RTF1: variants seen among roughly 807,000 people sequenced by gnomAD.
The protein encoded by RTF1 is RTF1 homolog, Paf1/RNA polymerase II complex component.
In RTF1, 10 loss-of-function variants were observed where a neutral mutation model predicts 95.7. The ratio of observed to expected loss-of-function variants is 0.10; its 90% confidence interval spans 0.06 to 0.18. The LOEUF is 0.18. RTF1 is among the 10% of genes least tolerant of loss of function. The pLI is 1.00. For synonymous variants in RTF1, 305 were observed against 311.8 expected, an observed-to-expected ratio of 0.98 and a Z score of 0.23; for missense variants, 458 against 875.6, an observed-to-expected ratio of 0.52 and a Z score of 6.02.
intron 1 of RTF1, among the ~76,000 whole-genome samples, chr15:41,421,266 G>C (rs1175712822): frequency 6.6e-6 from 1 of 152,072 alleles, no homozygotes. Flanking sequence ...AGACCAGCCT[G>C]ACCAACATGG....
chr15:41,432,114 T>TG (rs2140948575), intron 1 of RTF1, among the ~76,000 whole-genome samples: 1 of 151,496 alleles, frequency 6.6e-6, no homozygotes, highest in African/African-American at 2.4e-5. Context: ...ATTGTTAATA[T>TG]GGTATTTAAT....
Position 41,429,786 on chromosome 15 carries a change from G to A in RTF1, c.199-8535G>A, listed in dbSNP as rs553565520. ...TGAAGTTTCTAGTCTCAGCCTCAGT[G>A]CCTCAGAGAAGCCTCTCTAACCACC... On this transcript the variant is annotated intron_variant, in intron 1 of 17. Transcript: ENST00000389629. 3.4e-3 allele frequency among the ~76,000 whole-genome samples: 512 copies of A among 151,870 alleles called. 4 individuals carry two copies. Among genetic ancestry groups the A allele is most frequent in the African/African-American group, 0.012 (495 of 41,440 alleles).
At position 41,479,219 on chromosome 15, in the gene RTF1, T is replaced by C. The variant is rs751547577; in HGVS notation, c.1914+21T>C. On this transcript the variant is annotated intron_variant, in intron 16 of 17. Coordinates refer to ENST00000389629, the MANE Select transcript of RTF1 (RefSeq NM_015138.5). The stretch of plus-strand genomic sequence containing the variant: ...GCAAGGCAAGTGTGGTACCACCCTG[T>C]TGCCTGCTGAGTGAGGCTGCTGGCT... 22 of 1,540,312 alleles carry C rather than the reference T, an allele frequency of 1.4e-5. 1 individual carries two copies. Among genetic ancestry groups the C allele is most frequent in the South Asian group, 1.0e-4 (9 of 89,238 alleles).
intron 4 of RTF1, among the ~76,000 whole-genome samples, chr15:41,460,066 G>A (rs550268407): frequency 6.6e-6 from 1 of 150,658 alleles, no homozygotes; most frequent in African/African-American, 2.4e-5. Flanking sequence ...AGAGAAGAAT[G>A]TTTGGCTTTC....
intron 6 of RTF1, among the ~76,000 whole-genome samples, chr15:41,469,134 G>T (rs1757455): frequency 0.34 from 51,944 of 151,504 alleles, 9,045 homozygotes; most frequent in African/African-American, 0.4. Context: ...ACCTAATTTT[G>T]TTTTGTATTT....
chr15:41,474,542 G>A, intron 8 of RTF1, 78 bp from the exon 9 acceptor site: 1 of 997,766 alleles, frequency 1.0e-6, no homozygotes, highest in South Asian at 1.3e-5. Context: ...CGTTCAGGTA[G>A]AGAGACGCAA....
At chr15:41,476,586 T>G (rs1431102291) in intron 12 of RTF1, 63 bp downstream of exon 12, 2 of 1,438,166 alleles carry the variant, frequency 1.4e-6, no homozygotes, top group Non-Finnish European at 2.0e-6. Context: ...TCAAACTTGT[T>G]CATCCTCTGC....
chr15:41,440,131 C>T (rs1370550805), intron 2 of RTF1: 4 of 151,806 alleles, frequency 2.6e-5, no homozygotes, highest in Non-Finnish European at 5.9e-5. Flanking sequence ...TTACCGGTGC[C>T]CTGCATGTGC....
At position 41,477,525 on chromosome 15, in the gene RTF1, CTT is replaced by C. The variant is rs755003501; in HGVS notation, c.1740+12_1740+13del. ...TGAGAAGGCCCTTGTGGTAAGAAAA[CTT>C]TATCTGAATCACTAAAACAAAGTTA... On this transcript the variant is annotated intron_variant, in intron 14 of 17. Coordinates refer to ENST00000389629, the MANE Select transcript of RTF1 (RefSeq NM_015138.5). The C allele has an allele frequency of 8.7e-6, 14 of 1,611,458 alleles. No homozygotes were observed. The South Asian group carries it at 1.1e-4, about 13-fold the overall frequency.
chr15:41,428,162 T>C (rs1047588282), intron 1 of RTF1, among the ~76,000 whole-genome samples: 2 of 151,756 alleles, frequency 1.3e-5, no homozygotes, highest in Non-Finnish European at 2.9e-5. Flanking sequence ...TGGGACATTT[T>C]CTAACTTGGT....
chr15:41,481,937 G>C lies in RTF1; in HGVS notation c.*1250G>C, dbSNP rs1381895972. On this transcript the variant is annotated 3_prime_UTR_variant, in exon 18 of 18. Coordinates refer to ENST00000389629, the MANE Select transcript of RTF1 (RefSeq NM_015138.5). ...TCTACTAAAACTACAAAACTTAGCC[G>C]GGCATGGTGGTGCGTGCCTGTAATC... 4.6e-5 allele frequency: 7 copies of C among 152,274 alleles called. No homozygotes were observed. In the East Asian group the frequency reaches 1.3e-3, roughly 29 times the overall value. 9.4% of individuals were successfully genotyped at this position (152,274 alleles called of 1,614,324 possible). A position where few individuals can be genotyped will look rare whatever the true frequency, so the allele number is the denominator to read the frequency against.
intron 14 of RTF1, 115 bp from the exon 15 acceptor site, chr15:41,478,433 G>T: frequency 1.3e-6 from 1 of 790,244 alleles, no homozygotes. Flanking sequence ...AAAGGAAAAG[G>T]ATAATAGCTT....
rs1395438151 is a variant in RTF1, at chr15:41,472,563, G to C, written c.1203+1214G>C. 7.2e-5 allele frequency among the ~76,000 whole-genome samples: 11 copies of C among 152,118 alleles called. No individual in the cohort carries two copies. The East Asian group carries it at 2.1e-3, about 29-fold the overall frequency. On this transcript the variant is annotated intron_variant, in intron 8 of 17. Coordinates refer to ENST00000389629, the MANE Select transcript of RTF1 (RefSeq NM_015138.5). Reference sequence around the variant, plus strand: ...AGACAGAGTCTTACCCCGTTGCCCAGGCTGGAGTGCAGTGGCACGCTCTTG... The same window carrying C: ...AGACAGAGTCTTACCCCGTTGCCCACGCTGGAGTGCAGTGGCACGCTCTTG...
chr15:41,480,398 G>A, intron 17 of RTF1, 73 bp downstream of exon 17: 4 of 1,170,188 alleles, frequency 3.4e-6, no homozygotes, highest in Non-Finnish European at 5.1e-6. Flanking sequence ...CAACAAGGAA[G>A]CCCACTTTTA....
At chr15:41,433,704 T>C (rs574958557) in intron 1 of RTF1, among the ~76,000 whole-genome samples, 40 of 152,240 alleles carry the variant, frequency 2.6e-4, no homozygotes, top group Admixed American at 2.0e-3. Context: ...TATTACTATA[T>C]AACCCAGCAA....
In RTF1 at chr15:41,455,675, C is replaced by T. The variant is rs150422242; in HGVS notation, c.458-1997C>T. Among the ~76,000 whole-genome samples, 518 of 151,020 alleles carry T rather than the reference C, an allele frequency of 3.4e-3. 4 individuals are homozygous for T. Among genetic ancestry groups the T allele is most frequent in the African/African-American group, 0.012 (500 of 41,140 alleles). On this transcript the variant is annotated intron_variant, in intron 3 of 17. Coordinates refer to ENST00000389629, the MANE Select transcript of RTF1 (RefSeq NM_015138.5). Reference sequence around the variant, plus strand: ...CAAAAATTAGCCAAGCATGGTGGTGCGCTCCTGTGGTCCCAGCTACTCAGG... The same window carrying T: ...CAAAAATTAGCCAAGCATGGTGGTGTGCTCCTGTGGTCCCAGCTACTCAGG...
chr15:41,467,578 G>A (rs534937640), intron 6 of RTF1, among the ~76,000 whole-genome samples: 3 of 152,106 alleles, frequency 2.0e-5, no homozygotes, highest in Non-Finnish European at 2.9e-5. Context: ...AGCTGGCCAT[G>A]GTTGTGCATG....
intron 2 of RTF1, among the ~76,000 whole-genome samples, chr15:41,450,991 A>G (rs911016539): frequency 2.0e-5 from 3 of 152,124 alleles, no homozygotes; most frequent in Non-Finnish European, 4.4e-5. Flanking sequence ...CCCTTTTACA[A>G]TGTTTTGTGA....
rs570425279 is a variant in RTF1 at position 41,436,485 on chromosome 15, G to T, written c.199-1836G>T. ...AAAAAAAAAAAAAAAATTGCCAGGC[G>T]TGGTGGTGGGTGCCTGTAGTCCCAG... On this transcript the variant is annotated intron_variant, in intron 1 of 17. Transcript: ENST00000389629. 2.7e-5 allele frequency among the ~76,000 whole-genome samples: 4 copies of T among 150,278 alleles called. No individual in the cohort carries two copies. In the East Asian group the frequency reaches 7.8e-4, roughly 29 times the overall value.
Sources: gnomAD v4.1 joint callset for allele counts (sites outside exome capture counted in the v4.1 genomes callset) on GRCh38, gnomAD v4.1.1 for gene constraint, MANE v1.5 for transcripts, NCBI Gene and HGNC (gene_info 2026-07-23, HGNC 2026-07-21) for gene names.